Variants in RASSF5 observed in about 807,000 individuals in gnomAD.
The protein encoded by RASSF5 is Ras association domain family member 5, also known as ras association domain-containing protein 5.
A neutral mutation model predicts 40.5 loss-of-function variants in RASSF5; 25 were observed. That is an observed-to-expected ratio of 0.62 (90% CI 0.45 to 0.86). The LOEUF is 0.86. RASSF5 is among the 40% of genes least tolerant of loss of function. The pLI, the probability that RASSF5 is intolerant of heterozygous loss-of-function variation, is 0.00. For synonymous variants in RASSF5, 246 were observed against 252.4 expected, an observed-to-expected ratio of 0.97 and a Z score of 0.24; for missense variants, 521 against 572.8, an observed-to-expected ratio of 0.91 and a Z score of 0.92.
At chr1:206,550,396 A>G (rs1667806170) in intron 2 of RASSF5, among the ~76,000 whole-genome samples, 1 of 152,190 alleles carries the variant, frequency 6.6e-6, no homozygotes, top group African/African-American at 2.4e-5. Flanking sequence ...CAGGGATCCT[A>G]TCTTTTGCCA....
chr1:206,588,716 C>G lies in RASSF5; in HGVS notation c.*1738C>G, dbSNP rs1359384650. On this transcript the variant is annotated 3_prime_UTR_variant, in exon 6 of 6. Coordinates refer to ENST00000579436, the MANE Select transcript of RASSF5 (RefSeq NM_182663.4). Reference sequence around the variant, plus strand: ...TCAAAGGCAACACAAGCTCGCAACTCTAAGATTTTTTTAAACCACAAAAAC... The same window carrying G: ...TCAAAGGCAACACAAGCTCGCAACTGTAAGATTTTTTTAAACCACAAAAAC... 1.3e-5 allele frequency: 2 copies of G among 152,700 alleles called. No individual in the cohort carries two copies. Among genetic ancestry groups the G allele is most frequent in the African/African-American group, 2.4e-5 (1 of 41,440 alleles). The allele number at this position is 152,700 out of a possible 1,614,324, so 9.5% of individuals were successfully genotyped here. A position where few individuals can be genotyped will look rare whatever the true frequency, so the allele number is the denominator to read the frequency against.
chr1:206,572,871 A>G (rs1668497911), intron 2 of RASSF5, among the ~76,000 whole-genome samples: 1 of 152,214 alleles, frequency 6.6e-6, no homozygotes, highest in South Asian at 2.1e-4. Context: ...CTTAGGACCC[A>G]TGAAAGTCAT....
chr1:206,570,615 C>T (rs2103551719), intron 2 of RASSF5, among the ~76,000 whole-genome samples: 1 of 136,640 alleles, frequency 7.3e-6, no homozygotes, highest in Middle Eastern at 3.8e-3. Flanking sequence ...ATTAATTTGA[C>T]TATTCTAGGA....
intron 2 of RASSF5, among the ~76,000 whole-genome samples, chr1:206,545,421 A>T (rs911381312): frequency 1.3e-5 from 2 of 150,028 alleles, no homozygotes; most frequent in African/African-American, 4.9e-5. Context: ...TGCTCATTGT[A>T]ACCTTGAACT....
At chr1:206,557,558 G>A in intron 2 of RASSF5, 8 of 1,613,356 alleles carry the variant, frequency 5.0e-6, no homozygotes, top group Non-Finnish European at 6.8e-6. Context: ...GGCCTCGGCC[G>A]GGAACTCCGG....
chr1:206,568,477 C>T (rs1307262655), intron 2 of RASSF5, among the ~76,000 whole-genome samples: 2 of 152,162 alleles, frequency 1.3e-5, no homozygotes, highest in Non-Finnish European at 2.9e-5. Context: ...AGCTGCCCCT[C>T]CCCTTCTAGC....
At chr1:206,585,671 GTT>G (rs1291560894) in intron 5 of RASSF5, 2 of 167,350 alleles carry the variant, frequency 1.2e-5, no homozygotes, top group Non-Finnish European at 2.6e-5. Context: ...GGGTATAGAC[GTT>G]TTTGAGCCAT....
chr1:206,530,366 A>G (rs995662642), intron 1 of RASSF5, among the ~76,000 whole-genome samples: 1 of 152,206 alleles, frequency 6.6e-6, no homozygotes, highest in Admixed American at 6.5e-5. Context: ...TAATGGCTAC[A>G]TAGTATTCCA....
In RASSF5 at chr1:206,579,046, T is replaced by TG. The variant is rs1668767065; in HGVS notation, c.580-4222dup. Among the ~76,000 whole-genome samples the TG allele has an allele frequency of 6.6e-6, 1 of 152,190 alleles. No individual in the cohort carries two copies. Among genetic ancestry groups the TG allele is most frequent in the Admixed American group, 6.5e-5 (1 of 15,278 alleles). The stretch of plus-strand genomic sequence containing the variant: ...ATCACTCAGGGTCGGGGTGTCGCTG[T>TG]GAACCCCTAGCACCCAGCCTCTTTA... On this transcript the variant is annotated intron_variant, in intron 2 of 5. Coordinates refer to ENST00000579436, the MANE Select transcript of RASSF5 (RefSeq NM_182663.4). This position sits in a 1 kb window ranked among gnomAD's most constrained non-coding sequence, Gnocchi z 4.2.
chr1:206,569,316 G>A (rs1441561741), intron 2 of RASSF5, among the ~76,000 whole-genome samples: 2 of 152,232 alleles, frequency 1.3e-5, no homozygotes, highest in African/African-American at 2.4e-5. Context: ...GGTAAATCAG[G>A]TTTTAGTGGC....
intron 2 of RASSF5, among the ~76,000 whole-genome samples, chr1:206,566,500 A>G (rs1365882757): frequency 1.3e-5 from 2 of 152,072 alleles, no homozygotes; most frequent in African/African-American, 4.8e-5. Context: ...GTGGTGGTGA[A>G]CTGTTCCCCC....
intron 2 of RASSF5, chr1:206,544,463 A>G (rs954106080): frequency 6.6e-6 from 1 of 152,220 alleles, no homozygotes; most frequent in African/African-American, 2.4e-5. Flanking sequence ...CAACTCTCCA[A>G]AACACCAGAA....
At chr1:206,522,600 C>T (rs1666937394) in intron 1 of RASSF5, among the ~76,000 whole-genome samples, 1 of 152,170 alleles carries the variant, frequency 6.6e-6, no homozygotes, top group Non-Finnish European at 1.5e-5. Context: ...TCTTACCATT[C>T]TTGGCCAAGG....
rs1222387806 is a variant in RASSF5, at chr1:206,560,102, A to G, written c.579+21809A>G. Among the ~76,000 whole-genome samples, 30 of 152,316 alleles carry G rather than the reference A, an allele frequency of 2.0e-4. No individual in the cohort carries two copies. Among genetic ancestry groups the G allele is most frequent in the African/African-American group, 7.0e-4 (29 of 41,576 alleles). On this transcript the variant is annotated intron_variant, in intron 2 of 5. Coordinates refer to ENST00000579436, the MANE Select transcript of RASSF5 (RefSeq NM_182663.4). This position sits in a 1 kb window ranked among gnomAD's most constrained non-coding sequence, Gnocchi z 5.1. ...AAAGAGAGATCACGCTTGAGCTCCT[A>G]AGAGAATTTCTTTTTCCTGTCTCCA...
Position 206,584,352 on chromosome 1 carries a change from G to A in RASSF5, c.691-35G>A, listed in dbSNP as rs782775616. On this transcript the variant is annotated intron_variant, in intron 3 of 5. Transcript: ENST00000579436. This position sits in a 1 kb window ranked among gnomAD's most constrained non-coding sequence, Gnocchi z 4.9. Reference sequence around the variant, plus strand: ...GCAGATATGATCATGCAAGGCGGACGGCCCTGACCCCCTGTGACATGCCCC... The same window carrying A: ...GCAGATATGATCATGCAAGGCGGACAGCCCTGACCCCCTGTGACATGCCCC... The A allele has an allele frequency of 1.1e-5, 18 of 1,575,498 alleles. No homozygotes were observed. The highest frequency in any genetic ancestry group is 1.7e-4 in the Middle Eastern group (1 of 5,872).
intron 2 of RASSF5, among the ~76,000 whole-genome samples, chr1:206,551,851 C>T (rs934068398): frequency 1.3e-5 from 2 of 152,262 alleles, no homozygotes; most frequent in African/African-American, 2.4e-5. Context: ...TAGTTGTTCA[C>T]ATCTCACCCT....
At chr1:206,557,370 C>T in intron 2 of RASSF5, 28 of 1,343,628 alleles carry the variant, frequency 2.1e-5, no homozygotes, top group Non-Finnish European at 2.6e-5. Context: ...ACCGGGCCGC[C>T]CGAGCGCTCG....
intron 1 of RASSF5, among the ~76,000 whole-genome samples, chr1:206,532,996 A>G (rs560879111): frequency 6.6e-6 from 1 of 152,264 alleles, no homozygotes; most frequent in East Asian, 1.9e-4. Context: ...GCATTTGGCA[A>G]CTGGGTTGGG....
intron 1 of RASSF5, among the ~76,000 whole-genome samples, chr1:206,523,943 T>TATATATTATATATACC (rs1558498513): frequency 1.1e-4 from 13 of 115,728 alleles, no homozygotes; most frequent in African/African-American, 4.3e-4. Flanking sequence ...TAATATATTT[T>TATATATTATATATACC]ATATATAATA....
Sources: allele counts gnomAD v4.1 joint callset (sites outside exome capture counted in the v4.1 genomes callset), GRCh38; gene constraint gnomAD v4.1.1; non-coding constraint Gnocchi (gnomAD v3.1); transcripts MANE v1.5; gene names NCBI Gene and HGNC (gene_info 2026-07-23, HGNC 2026-07-21).